NCF2: variants seen among roughly 807,000 people sequenced by gnomAD.
NCF2 encodes neutrophil cytosolic factor 2.
A neutral mutation model predicts 70.9 loss-of-function variants in NCF2; 45 were observed. The ratio of observed to expected loss-of-function variants is 0.63; its 90% CI spans 0.50 to 0.81. The LOEUF (loss-of-function observed/expected upper bound fraction) is 0.81, where lower values mean the gene tolerates loss of function less well. Among genes scored for constraint, NCF2 ranks in the 40% least tolerant of loss-of-function variants. NCF2 has a pLI of 0.00. For missense variants in NCF2, 522 were observed against 631.6 expected, an observed-to-expected ratio of 0.83 and a Z score of 1.86; for synonymous variants, 203 against 233.6, an observed-to-expected ratio of 0.87 and a Z score of 1.19.
At position 183,577,580 on chromosome 1, in the gene NCF2, C is replaced by T; in HGVS notation, c.366+19G>A. On this transcript the variant is annotated intron_variant, in intron 3 of 14. Transcript: ENST00000367535. ...AGCCATGATCCCCTCCTGCCCAGGCCAGGCCCTGTTCTCCTTACCTCACAG... is the reference window on the plus strand; with the variant it reads ...AGCCATGATCCCCTCCTGCCCAGGCTAGGCCCTGTTCTCCTTACCTCACAG... 2 of 1,565,056 alleles carry T rather than the reference C, an allele frequency of 1.3e-6. No homozygotes were observed. The highest frequency in any genetic ancestry group is 1.8e-6 in the Non-Finnish European group (2 of 1,135,396).
chr1:183,599,791 G>A, the NCF2 span, among the ~76,000 whole-genome samples: 1 of 152,190 alleles, frequency 6.6e-6, no homozygotes, highest in South Asian at 2.1e-4. Context: ...GACCTCAGGT[G>A]AAACGCCCAC....
At chr1:183,557,667 G>A (rs538269136) in intron 14 of NCF2, among the ~76,000 whole-genome samples, 95 of 152,264 alleles carry the variant, frequency 6.2e-4, no homozygotes, top group Non-Finnish European at 9.6e-4. Context: ...ATAGTAAGAC[G>A]CATACTGGCT....
chr1:183,586,094 G>A (rs789188), intron 2 of NCF2, among the ~76,000 whole-genome samples: 1 of 152,168 alleles, frequency 6.6e-6, no homozygotes, highest in African/African-American at 2.4e-5. Flanking sequence ...CAGCACTTTG[G>A]GGGGCTGAGG....
chr1:183,587,595 C>CA lies in NCF2; in HGVS notation c.175-619dup, dbSNP rs11287969. Among the ~76,000 whole-genome samples the CA allele has an allele frequency of 6.3e-3, 263 of 41,892 alleles. 24 individuals carry two copies. The highest frequency in any genetic ancestry group is 8.1e-3 in the Non-Finnish European group (179 of 22,032). The allele number at this position is 41,892 out of a possible 152,430, so 27.5% of individuals were successfully genotyped here. A position where few individuals can be genotyped will look rare whatever the true frequency, so the allele number is the denominator to read the frequency against. ...GGCAACAAAGTAAGGCACCCTGTCT[C>CA]AAAAAAAAAAAAAAAAAAAAAAAAA... is the stretch of plus-strand genomic sequence containing the variant. On this transcript the variant is annotated intron_variant, in intron 1 of 14. Coordinates refer to ENST00000367535, the MANE Select transcript of NCF2 (RefSeq NM_000433.4).
the NCF2 span, among the ~76,000 whole-genome samples, chr1:183,596,079 A>G: frequency 3.9e-4 from 59 of 152,030 alleles, no homozygotes; most frequent in African/African-American, 1.4e-3. Context: ...TGTTTAAACG[A>G]CTGTCTCTCA....
At chr1:183,571,469 T>G (rs952728662) in intron 5 of NCF2, among the ~76,000 whole-genome samples, 1 of 152,206 alleles carries the variant, frequency 6.6e-6, no homozygotes, top group African/African-American at 2.4e-5. Flanking sequence ...ACATTCACAA[T>G]GCTGTGCAAC....
chr1:183,569,112 A>G, intron 7 of NCF2, 30 bp downstream of exon 7: 1 of 1,605,698 alleles, frequency 6.2e-7, no homozygotes, highest in Non-Finnish European at 8.5e-7. Flanking sequence ...GCGCTTGGAT[A>G]TTCTATTTAT....
In NCF2 at chr1:183,575,440, TG is replaced by T. The variant is rs35471511; in HGVS notation, c.367-820del. Among the ~76,000 whole-genome samples the T allele has an allele frequency of 3.8e-3, 576 of 151,414 alleles. 5 individuals are homozygous for T. Among genetic ancestry groups the T allele is most frequent in the African/African-American group, 0.013 (526 of 41,322 alleles). On this transcript the variant is annotated intron_variant, in intron 3 of 14. Transcript: ENST00000367535. Reference sequence around the variant, plus strand: ...AAGCCAGGGGCACCTTCACCTCAGGTGGGGGGGGAATGGTAAATGCAACAGT... The same window carrying T: ...AAGCCAGGGGCACCTTCACCTCAGGTGGGGGGGAATGGTAAATGCAACAGT...
the NCF2 span, among the ~76,000 whole-genome samples, chr1:183,596,715 C>A: frequency 6.6e-6 from 1 of 151,696 alleles, no homozygotes; most frequent in Non-Finnish European, 1.5e-5. Context: ...GCACTCCAGC[C>A]TGGGCTACAG....
intron 1 of NCF2, among the ~76,000 whole-genome samples, chr1:183,588,427 A>C (rs182453292): frequency 2.7e-4 from 41 of 149,434 alleles, no homozygotes; most frequent in African/African-American, 8.6e-4. Flanking sequence ...GTGAGCCGAG[A>C]TTGCACCACT....
At chr1:183,588,890 ACAGTCCC>A (rs1230009988) in intron 1 of NCF2, among the ~76,000 whole-genome samples, 3 of 152,236 alleles carry the variant, frequency 2.0e-5, no homozygotes, top group Non-Finnish European at 4.4e-5. Flanking sequence ...GCAGGAGGCT[ACAGTCCC>A]TGCTGGCATA....
chr1:183,587,274 A>T lies in NCF2; in HGVS notation c.175-297T>A, dbSNP rs537660849. The stretch of plus-strand genomic sequence containing the variant: ...CATCTGATTTCTGCTTTTGTTAGTC[A>T]TATATGGCCTAGAAAAGCTACACAA... On this transcript the variant is annotated intron_variant, in intron 1 of 14. Coordinates refer to ENST00000367535, the MANE Select transcript of NCF2 (RefSeq NM_000433.4). Among the ~76,000 whole-genome samples, 3 of 152,270 alleles carry T rather than the reference A, an allele frequency of 2.0e-5. No homozygotes were observed. In the South Asian group the frequency reaches 6.2e-4, roughly 32 times the overall value.
intron 10 of NCF2, 77 bp downstream of exon 10, chr1:183,565,627 G>C (rs1021959061): frequency 7.1e-7 from 1 of 1,411,684 alleles, no homozygotes; most frequent in Non-Finnish European, 1.0e-6. Context: ...TTTCCTGGAA[G>C]GCAGGGAGAG....
At chr1:183,591,425 C>A (rs1000729486), upstream of NCF2, among the ~76,000 whole-genome samples, 8 of 151,038 alleles carry the variant, frequency 5.3e-5, no homozygotes, top group Non-Finnish European at 1.0e-4. Context: ...TTATCATTAA[C>A]AAATTTTTGA....
At chr1:183,586,298 C>A (rs1024027593) in intron 2 of NCF2, among the ~76,000 whole-genome samples, 1 of 152,208 alleles carries the variant, frequency 6.6e-6, no homozygotes, top group Admixed American at 6.5e-5. Context: ...CGAGCCCTTG[C>A]ACTCCAGCCT....
At chr1:183,588,989 G>A (rs1459751456) in intron 1 of NCF2, among the ~76,000 whole-genome samples, 1 of 152,248 alleles carries the variant, frequency 6.6e-6, no homozygotes, top group East Asian at 1.9e-4. Flanking sequence ...GTGTGGTGCT[G>A]TTCACTCAGC....
At chr1:183,570,344 A>G (rs1672488406) in intron 6 of NCF2, among the ~76,000 whole-genome samples, 1 of 152,262 alleles carries the variant, frequency 6.6e-6, no homozygotes, top group African/African-American at 2.4e-5. Context: ...AAACCCCTGC[A>G]CATGAGCAGA....
upstream of NCF2, among the ~76,000 whole-genome samples, chr1:183,595,288 A>G (rs1344879971): frequency 6.6e-6 from 1 of 152,202 alleles, no homozygotes; most frequent in African/African-American, 2.4e-5. Flanking sequence ...AAGGATACAG[A>G]AAAGTCAACA....
intron 5 of NCF2, 59 bp downstream of exon 5, chr1:183,573,126 C>T (rs1042751167): frequency 1.0e-5 from 15 of 1,505,596 alleles, no homozygotes; most frequent in Non-Finnish European, 1.4e-5. Flanking sequence ...TCCCTCCCAC[C>T]TTGCTCCACA....
Sources: allele counts gnomAD v4.1 joint callset (sites outside exome capture counted in the v4.1 genomes callset), GRCh38; gene constraint gnomAD v4.1.1; transcripts MANE v1.5; gene names NCBI Gene and HGNC (gene_info 2026-07-23, HGNC 2026-07-21).